Variants in SLC25A13 observed in about 807,000 individuals in gnomAD.
SLC25A13 encodes solute carrier family 25 member 13, also known as electrogenic aspartate/glutamate antiporter SLC25A13, mitochondrial.
SLC25A13 carries 70 observed loss-of-function variants against 85.5 expected under a neutral mutation model. The observed-to-expected ratio is 0.82, with a 90% CI of 0.68 to 1.00. The LOEUF (loss-of-function observed/expected upper bound fraction) is 1.00. SLC25A13 is among the 50% of genes least tolerant of loss of function. The pLI is 0.00. For missense variants in SLC25A13, 765 were observed against 819.8 expected (o/e 0.93, Z 0.82); for synonymous variants, 259 against 288.7 (o/e 0.90, Z 1.04).
intron 3 of SLC25A13, among the ~76,000 whole-genome samples, chr7:96,237,789 C>A (rs962543602): frequency 5.3e-5 from 8 of 152,098 alleles, no homozygotes; most frequent in African/African-American, 1.9e-4. Context: ...CAGGATGTTC[C>A]CAACATTTCC....
chr7:96,122,391 C>T (rs2116386487), intron 15 of SLC25A13, among the ~76,000 whole-genome samples: 1 of 152,252 alleles, frequency 6.6e-6, no homozygotes, highest in African/African-American at 2.4e-5. Flanking sequence ...TCCGATTTTT[C>T]AGAGGTGAAG....
intron 11 of SLC25A13, among the ~76,000 whole-genome samples, chr7:96,177,252 G>A (rs558975028): frequency 3.3e-5 from 5 of 152,204 alleles, no homozygotes; most frequent in Non-Finnish European, 7.3e-5. Flanking sequence ...AGCAGTGAGA[G>A]CACATGTGGT....
intron 11 of SLC25A13, among the ~76,000 whole-genome samples, chr7:96,172,654 T>C (rs1027929781): frequency 6.6e-6 from 1 of 151,996 alleles, no homozygotes. Flanking sequence ...CTTTCTGACA[T>C]CCCAGCCATC....
chr7:96,303,974 C>A (rs148975494), intron 1 of SLC25A13, among the ~76,000 whole-genome samples: 200 of 152,186 alleles, frequency 1.3e-3, no homozygotes, highest in Middle Eastern at 3.4e-3. Flanking sequence ...CTGTTCTCTG[C>A]GAGTGAGCCC....
chr7:96,234,982 C>A (rs752551534), intron 3 of SLC25A13, 65 bp from the exon 4 acceptor site: 15 of 1,167,012 alleles, frequency 1.3e-5, no homozygotes, highest in Non-Finnish European at 1.9e-5. Context: ...CATATACAAA[C>A]ATACACTGAG....
chr7:96,266,198 T>C (rs567668718), intron 3 of SLC25A13, among the ~76,000 whole-genome samples: 4 of 152,288 alleles, frequency 2.6e-5, no homozygotes, highest in Middle Eastern at 3.4e-3. Flanking sequence ...ACTGTGCAAA[T>C]AGTTTTGACC....
At chr7:96,126,257 C>T (rs577480017) in intron 15 of SLC25A13, among the ~76,000 whole-genome samples, 154 of 152,272 alleles carry the variant, frequency 1.0e-3, no homozygotes, top group Non-Finnish European at 1.8e-3. Context: ...TAGGGAACTT[C>T]ACTTTGGGGG....
chr7:96,182,248 C>G (rs1794445707), intron 11 of SLC25A13, among the ~76,000 whole-genome samples: 1 of 152,178 alleles, frequency 6.6e-6, no homozygotes, highest in African/African-American at 2.4e-5. Context: ...TCATTTTGCT[C>G]TCAAGATGAT....
At chr7:96,195,281 A>C (rs1003378462) in intron 5 of SLC25A13, among the ~76,000 whole-genome samples, 1 of 152,186 alleles carries the variant, frequency 6.6e-6, no homozygotes, top group African/African-American at 2.4e-5. Flanking sequence ...TTTATTGGCC[A>C]CCTCACCTAG....
At chr7:96,286,181 G>A (rs1798878602) in intron 2 of SLC25A13, among the ~76,000 whole-genome samples, 1 of 151,668 alleles carries the variant, frequency 6.6e-6, no homozygotes, top group Admixed American at 6.6e-5. Flanking sequence ...CTACTTGGGA[G>A]GCTGAGGCAG....
chr7:96,176,820 A>G (rs770854034), intron 11 of SLC25A13, among the ~76,000 whole-genome samples: 1 of 152,168 alleles, frequency 6.6e-6, no homozygotes, highest in Non-Finnish European at 1.5e-5. Context: ...AATTTAAACT[A>G]ATTTTAGGCT....
At chr7:96,261,267 T>G (rs531502688) in intron 3 of SLC25A13, among the ~76,000 whole-genome samples, 2 of 152,306 alleles carry the variant, frequency 1.3e-5, no homozygotes, top group African/African-American at 4.8e-5. Flanking sequence ...ATATATCTTT[T>G]GTTTACATTA....
chr7:96,152,014 G>T (rs887320948), intron 13 of SLC25A13, among the ~76,000 whole-genome samples: 1 of 152,320 alleles, frequency 6.6e-6, no homozygotes, highest in East Asian at 1.9e-4. Flanking sequence ...AGTAAAGGAG[G>T]CTATTTAACA....
chr7:96,225,524 G>C (rs1796298845), intron 4 of SLC25A13, among the ~76,000 whole-genome samples: 1 of 122,794 alleles, frequency 8.1e-6, no homozygotes, highest in Non-Finnish European at 1.8e-5. Context: ...GACAGACCTT[G>C]TTTCAAAAGA....
intron 12 of SLC25A13, among the ~76,000 whole-genome samples, chr7:96,171,169 C>G (rs143932064): frequency 4.8e-4 from 73 of 152,288 alleles, no homozygotes; most frequent in African/African-American, 1.7e-3. Flanking sequence ...GAGATTAAAC[C>G]AGTAAAACGT....
Position 96,121,243 on chromosome 7 carries a change from G to T in SLC25A13, c.1976C>A (p.Pro659His). 1 of 1,614,138 alleles carries T rather than the reference G, an allele frequency of 6.2e-7. No homozygotes were observed. Among genetic ancestry groups the T allele is most frequent in the Non-Finnish European group, 8.5e-7 (1 of 1,180,020 alleles). ...GIENKFGLYL[P>H]LFKPSVSTSK... Reference sequence around the variant, plus strand: ...GGTAGATACTGATGGCTTGAAGAGAGGTAGGTAAAGTCCAAATTTGTTTTC... The same window carrying T: ...GGTAGATACTGATGGCTTGAAGAGATGTAGGTAAAGTCCAAATTTGTTTTC... The change falls in exon 18 of 18, where the codon CCT (proline) becomes CAT (histidine). Residue 659 changes from proline to histidine, a missense_variant. By Grantham distance (77) the Pro-to-His change is moderately conservative. Transcript: ENST00000265631.
intron 2 of SLC25A13, among the ~76,000 whole-genome samples, chr7:96,294,294 G>A (rs1584582756): frequency 1.3e-5 from 2 of 149,726 alleles, no homozygotes; most frequent in South Asian, 4.3e-4. Context: ...GTGGGGGGAG[G>A]AGGGAGGGAT....
At chr7:96,152,089 C>A (rs184603083) in intron 13 of SLC25A13, among the ~76,000 whole-genome samples, 1 of 152,146 alleles carries the variant, frequency 6.6e-6, no homozygotes, top group Non-Finnish European at 1.5e-5. Flanking sequence ...TGGATGCCAG[C>A]GGCACACTTA....
At chr7:96,140,842 G>A (rs1229842514) in intron 14 of SLC25A13, among the ~76,000 whole-genome samples, 1 of 149,518 alleles carries the variant, frequency 6.7e-6, no homozygotes, top group African/African-American at 2.5e-5. Flanking sequence ...GATGATTAGT[G>A]ATGTTGAAAA....
Sources: gnomAD v4.1 joint callset for allele counts (sites outside exome capture counted in the v4.1 genomes callset) on GRCh38, gnomAD v4.1.1 for gene constraint, MANE v1.5 for transcripts, NCBI Gene and HGNC (gene_info 2026-07-23, HGNC 2026-07-21) for gene names.